Variants in ANXA9 observed in about 807,000 individuals in gnomAD.
ANXA9 encodes annexin A9.
A neutral mutation model predicts 51.8 loss-of-function variants in ANXA9; 47 were observed. The observed-to-expected ratio is 0.91, with a 90% CI of 0.72 to 1.16. The LOEUF is 1.16. Ranked by LOEUF, ANXA9 falls within the 50% of genes most tolerant of loss-of-function variation. The pLI, the probability that ANXA9 is intolerant of heterozygous loss-of-function variation, is 0.00. For missense variants in ANXA9, 361 were observed against 424.7 expected (o/e 0.85, Z 1.32); for synonymous variants, 154 against 168.7 (o/e 0.91, Z 0.68).
chr1:150,984,532 T>G, intron 6 of ANXA9, 54 bp from the exon 7 acceptor site: 1 of 1,547,792 alleles, frequency 6.5e-7, no homozygotes, highest in Non-Finnish European at 8.9e-7. Flanking sequence ...TGCCCCTCTG[T>G]CTGCCATCCT....
At chr1:150,986,579 CT>C in intron 8 of ANXA9, 22 bp from the exon 9 acceptor site, 1 of 1,612,044 alleles carries the variant, frequency 6.2e-7, no homozygotes, top group East Asian at 2.2e-5. Context: ...AAAGAGCCCT[CT>C]AAGAACAGTT....
chr1:150,994,901 G>A, intron 13 of ANXA9: 1 of 757,810 alleles, frequency 1.3e-6, no homozygotes, highest in Non-Finnish European at 1.6e-6. Flanking sequence ...AGACCACCCT[G>A]ACCAACATGG....
At chr1:150,992,386 C>G (rs897159204) in intron 12 of ANXA9, among the ~76,000 whole-genome samples, 4 of 152,112 alleles carry the variant, frequency 2.6e-5, no homozygotes, top group African/African-American at 9.7e-5. Context: ...CCCGTCTCTA[C>G]TAAATATACA....
chr1:150,983,604 C>T (rs1269168131), intron 4 of ANXA9, among the ~76,000 whole-genome samples, 170 bp downstream of exon 4: 1 of 152,186 alleles, frequency 6.6e-6, no homozygotes, highest in Non-Finnish European at 1.5e-5. Flanking sequence ...CACAACACCC[C>T]TGTGAGGCAA....
chr1:150,981,880 G>A (rs1050970659), upstream of ANXA9: 1 of 152,292 alleles, frequency 6.6e-6, no homozygotes, highest in African/African-American at 2.4e-5. Flanking sequence ...GCCCCAACAG[G>A]TTTTTCCCTA....
chr1:150,977,607 C>T (rs1671359078), upstream of ANXA9, among the ~76,000 whole-genome samples: 1 of 152,198 alleles, frequency 6.6e-6, no homozygotes, highest in Non-Finnish European at 1.5e-5. Flanking sequence ...TCTGGGCAGG[C>T]TTTGTGGATG....
In ANXA9 at chr1:150,984,261, G is replaced by A; in HGVS notation, c.268-20G>A. On this transcript the variant is annotated intron_variant, in intron 5 of 13. Coordinates refer to ENST00000368947, the MANE Select transcript of ANXA9 (RefSeq NM_003568.3). ...TTCCCCTCACCCCCGTCCCTCTGCT[G>A]TGAGGACCATTTATTGTAGGACCTG... The A allele has an allele frequency of 6.2e-7, 1 of 1,610,184 alleles. No homozygotes were observed. The highest frequency in any genetic ancestry group is 1.3e-5 in the African/African-American group (1 of 74,920).
Position 150,986,640 on chromosome 1 carries a change from TC to T in ANXA9, c.592del (p.Leu198TrpfsTer67). 6.3e-7 allele frequency: 1 copy of T among 1,599,588 alleles called. No homozygotes were observed. Among genetic ancestry groups the T allele is most frequent in the South Asian group, 1.1e-5 (1 of 88,896 alleles). On this transcript the variant is annotated frameshift_variant, in exon 9 of 14. Coordinates refer to ENST00000368947, the MANE Select transcript of ANXA9 (RefSeq NM_003568.3). LOFTEE classifies it high-confidence loss of function. The part of the protein sequence containing the change: ...DSYSGIIDYN[L>X]AEQDVQALQR... ...GCTACTCTGGAATCATTGACTATAA[TC>T]TGGCAGAACAAGATGTCCAGGTGAG...
At chr1:150,977,825 G>A (rs1468819073), upstream of ANXA9, among the ~76,000 whole-genome samples, 1 of 152,214 alleles carries the variant, frequency 6.6e-6, no homozygotes, top group Non-Finnish European at 1.5e-5. Context: ...ATCAGGCAAT[G>A]GAAAGTATTT....
chr1:150,981,456 G>T (rs1018113471), upstream of ANXA9, among the ~76,000 whole-genome samples: 1 of 152,218 alleles, frequency 6.6e-6, no homozygotes, highest in African/African-American at 2.4e-5. Flanking sequence ...AGCAGTTGCT[G>T]CATGGCGGGG....
At position 150,995,484 on chromosome 1, in the gene ANXA9, A is replaced by C; in HGVS notation, c.*162A>C. 1 of 605,568 alleles carries C rather than the reference A, an allele frequency of 1.7e-6. No homozygotes were observed. Among genetic ancestry groups the C allele is most frequent in the Non-Finnish European group, 2.7e-6 (1 of 364,586 alleles). 37.5% of individuals were successfully genotyped at this position (605,568 alleles called of 1,614,324 possible). ...GGAACTGTTTCTTTAAAATCCCTTAATTTTCCCATCTCAAAATTATATCTG... is the reference window on the plus strand; with the variant it reads ...GGAACTGTTTCTTTAAAATCCCTTACTTTTCCCATCTCAAAATTATATCTG... On this transcript the variant is annotated 3_prime_UTR_variant, in exon 14 of 14. Coordinates refer to ENST00000368947, the MANE Select transcript of ANXA9 (RefSeq NM_003568.3).
In ANXA9 at chr1:150,988,083, C is replaced by T. The variant is rs370934834; in HGVS notation, c.698-8C>T. The T allele has an allele frequency of 1.2e-6, 2 of 1,614,218 alleles. No homozygotes were observed. Among genetic ancestry groups the T allele is most frequent in the African/African-American group, 1.3e-5 (1 of 75,058 alleles). ...TCCATCTTTCTAACTGCCTCCTACACACACAAGTGTTTGATCAGTACCAGC... is the reference window on the plus strand; with the variant it reads ...TCCATCTTTCTAACTGCCTCCTACATACACAAGTGTTTGATCAGTACCAGC... On this transcript the variant is annotated splice_region_variant and splice_polypyrimidine_tract_variant and intron_variant, in intron 10 of 13. Transcript: ENST00000368947.
At chr1:150,993,455 C>A (rs901259164) in intron 12 of ANXA9, among the ~76,000 whole-genome samples, 11 of 151,606 alleles carry the variant, frequency 7.3e-5, no homozygotes, top group African/African-American at 2.7e-4. Flanking sequence ...ATTATAGGCG[C>A]CTACCACCAC....
chr1:150,985,190 TCACACACA>T (rs768559320), intron 7 of ANXA9, among the ~76,000 whole-genome samples: 6 of 146,946 alleles, frequency 4.1e-5, no homozygotes, highest in African/African-American at 7.5e-5. Context: ...TCTCTCTCTC[TCACACACA>T]CACACACACA....
At chr1:150,979,656 T>G (rs963960772), upstream of ANXA9, among the ~76,000 whole-genome samples, 10 of 152,182 alleles carry the variant, frequency 6.6e-5, no homozygotes, top group Admixed American at 6.5e-4. Flanking sequence ...GGCTCGAGAC[T>G]CTCAGTGGCT....
intron 12 of ANXA9, among the ~76,000 whole-genome samples, chr1:150,992,624 A>T (rs989855491): frequency 6.6e-6 from 1 of 152,124 alleles, no homozygotes; most frequent in Non-Finnish European, 1.5e-5. Flanking sequence ...AGCCTGGCCA[A>T]CATGGTAAAA....
chr1:150,995,327 T>C lies in ANXA9; in HGVS notation c.*5T>C. Reference sequence around the variant, plus strand: ...TGCAGGGCTGAAGACATGTGAGACTTCCCTGCCCCACCCCACATGACATCC... The same window carrying C: ...TGCAGGGCTGAAGACATGTGAGACTCCCCTGCCCCACCCCACATGACATCC... On this transcript the variant is annotated 3_prime_UTR_variant, in exon 14 of 14. Transcript: ENST00000368947. 1.2e-6 allele frequency: 2 copies of C among 1,602,000 alleles called. No individual in the cohort carries two copies. The highest frequency in any genetic ancestry group is 2.2e-5 in the South Asian group (2 of 89,230).
chr1:150,984,160 C>T, intron 5 of ANXA9, 91 bp downstream of exon 5: 3 of 1,534,134 alleles, frequency 2.0e-6, no homozygotes, highest in Admixed American at 3.6e-5. Flanking sequence ...GAGGCCAGCC[C>T]CTGCTTCCTG....
At position 150,986,634 on chromosome 1, in the gene ANXA9, C is replaced by T. The variant is rs1424782348; in HGVS notation, c.585C>T (p.Asp195=). The change falls in exon 9 of 14, where the codon GAC becomes GAT. Residue 195 remains aspartate, a synonymous_variant. Transcript: ENST00000368947. ...GTGACAGCTACTCTGGAATCATTGA[C>T]TATAATCTGGCAGAACAAGATGTCC... ...GGRDSYSGII[D]YNLAEQDVQA... is the part of the protein sequence containing the mutation. 8.1e-6 allele frequency: 13 copies of T among 1,600,870 alleles called. No individual in the cohort carries two copies. Among genetic ancestry groups the T allele is most frequent in the Non-Finnish European group, 1.1e-5 (13 of 1,176,488 alleles).
Sources: allele counts gnomAD v4.1 joint callset (sites outside exome capture counted in the v4.1 genomes callset), GRCh38; gene constraint gnomAD v4.1.1; transcripts MANE v1.5; gene names NCBI Gene and HGNC (gene_info 2026-07-23, HGNC 2026-07-21).